The following C5orf47 variants were observed in gnomAD, a reference collection of about 807,000 sequenced individuals.
C5orf47 encodes the protein chromosome 5 open reading frame 47.
Under a neutral mutation model 20.6 loss-of-function variants are expected in C5orf47, and 20 were observed. The observed-to-expected ratio is 0.97, with a 90% CI of 0.68 to 1.41. The LOEUF (loss-of-function observed/expected upper bound fraction) is 1.41, where lower values mean the gene tolerates loss of function less well. C5orf47 is among the 40% of genes most tolerant of loss of function. C5orf47 has a pLI of 0.00. For synonymous variants in C5orf47, 106 were observed against 97.3 expected, an observed-to-expected ratio of 1.09 and a Z score of -0.53; for missense variants, 262 against 238.4, an observed-to-expected ratio of 1.10 and a Z score of -0.65.
At chr5:173,997,315 A>G (rs1759115862) in intron 1 of C5orf47, among the ~76,000 whole-genome samples, 1 of 152,208 alleles carries the variant, frequency 6.6e-6, no homozygotes. Context: ...ATGAGAGCCA[A>G]TATAAAGGCT....
At position 174,004,801 on chromosome 5, in the gene C5orf47, A is replaced by T. The variant is rs1374190110; in HGVS notation, c.*547A>T. The T allele has an allele frequency of 4.6e-5, 7 of 152,236 alleles. No homozygotes were observed. Among genetic ancestry groups the T allele is most frequent in the African/African-American group, 1.7e-4 (7 of 41,436 alleles). The allele number at this position is 152,236 out of a possible 1,614,324, so 9.4% of individuals were successfully genotyped here. The stretch of plus-strand genomic sequence containing the variant: ...TAATGATTATTTAAGCCATCTTTTC[A>T]TCCTAAGGAAAATTAGTAAATGTAT... On this transcript the variant is annotated 3_prime_UTR_variant, in exon 5 of 5. Coordinates refer to ENST00000340147, the MANE Select transcript of C5orf47 (RefSeq NM_001144954.2).
chr5:173,994,249 G>A (rs1759050156), intron 1 of C5orf47, among the ~76,000 whole-genome samples: 2 of 152,190 alleles, frequency 1.3e-5, no homozygotes, highest in South Asian at 4.1e-4. Context: ...GCATCTCATC[G>A]ATTTGCAGAG....
downstream of C5orf47, among the ~76,000 whole-genome samples, chr5:174,008,475 C>A (rs567208221): frequency 6.6e-6 from 1 of 152,232 alleles, no homozygotes; most frequent in East Asian, 1.9e-4. Context: ...CTAACACGGG[C>A]CCTGTAATGG....
chr5:173,999,860 C>A, intron 3 of C5orf47, 61 bp downstream of exon 3: 1 of 842,322 alleles, frequency 1.2e-6, no homozygotes, highest in South Asian at 1.8e-5. Context: ...TTTAGTTATC[C>A]TGGGATTGCA....
chr5:174,001,538 T>G (rs1759197021), intron 4 of C5orf47, among the ~76,000 whole-genome samples: 1 of 152,080 alleles, frequency 6.6e-6, no homozygotes, highest in Non-Finnish European at 1.5e-5. Context: ...TGGTACATTA[T>G]TCTGAGGGCA....
intron 1 of C5orf47, among the ~76,000 whole-genome samples, chr5:173,995,817 T>C (rs924355403): frequency 3.3e-5 from 5 of 152,240 alleles, no homozygotes; most frequent in African/African-American, 1.2e-4. Flanking sequence ...TCACTGAAGA[T>C]TTTTGAATGG....
In C5orf47 at chr5:173,999,767, A is replaced by T. The variant is rs1474920829; in HGVS notation, c.479A>T (p.His160Leu). 1.3e-6 allele frequency: 2 copies of T among 1,536,734 alleles called. No homozygotes were observed. The highest frequency in any genetic ancestry group is 1.8e-6 in the Non-Finnish European group (2 of 1,136,428). Reference protein sequence around the residue: ...RMLEENEKYRHRLKCQRLSSE... With the variant: ...RMLEENEKYRLRLKCQRLSSE... ...CTTGAAGAAAATGAAAAATATAGAC[A>T]CAGGCTGAAATGCCAAAGGTTATCT... The change falls in exon 3 of 5, where the codon CAC becomes CTC. Residue 160 changes from histidine (H) to leucine (L), a missense_variant. Coordinates refer to ENST00000340147, the MANE Select transcript of C5orf47 (RefSeq NM_001144954.2).
chr5:173,990,354 C>T (rs1027644083), intron 1 of C5orf47, among the ~76,000 whole-genome samples: 12 of 152,186 alleles, frequency 7.9e-5, no homozygotes, highest in Admixed American at 6.5e-4. Context: ...AACTCCTGGG[C>T]CCAACTGATC....
intron 1 of C5orf47, among the ~76,000 whole-genome samples, chr5:173,992,281 C>T (rs1759012755): frequency 6.7e-6 from 1 of 149,748 alleles, no homozygotes; most frequent in African/African-American, 2.5e-5. Context: ...GATACAGTGC[C>T]TCACACCTCT....
intron 4 of C5orf47, among the ~76,000 whole-genome samples, chr5:174,002,960 A>G (rs1759225590): frequency 1.3e-5 from 2 of 152,048 alleles, no homozygotes; most frequent in African/African-American, 2.4e-5. Flanking sequence ...CCTACTTATG[A>G]TTTGATTCAT....
chr5:173,995,969 A>G (rs192957891), intron 1 of C5orf47, among the ~76,000 whole-genome samples: 23 of 152,358 alleles, frequency 1.5e-4, no homozygotes, highest in African/African-American at 5.5e-4. Flanking sequence ...CTAATAAATC[A>G]GGCCAGTTCC....
chr5:173,995,093 G>A (rs1025932561), intron 1 of C5orf47, among the ~76,000 whole-genome samples: 16 of 152,118 alleles, frequency 1.1e-4, no homozygotes, highest in Admixed American at 3.3e-4. Context: ...GATTACAGGC[G>A]TGAACCACCA....
At chr5:174,009,440 CTT>C (rs1484335750), downstream of C5orf47, among the ~76,000 whole-genome samples, 13 of 145,974 alleles carry the variant, frequency 8.9e-5, no homozygotes, top group African/African-American at 2.7e-4. Flanking sequence ...ATTATTGAGA[CTT>C]TTCATCTTTT....
Position 173,998,209 on chromosome 5 carries a change from G to A in C5orf47, c.382G>A (p.Ala128Thr). ...TGATTTTCCCATACCATTGAATGAAGCTTCCAAAATAATGAAGAAAAAGAA... is the reference window on the plus strand; with the variant it reads ...TGATTTTCCCATACCATTGAATGAAACTTCCAAAATAATGAAGAAAAAGAA... ...KYDFPIPLNEASKIMKKKKKV... is the reference protein window; with the variant it reads ...KYDFPIPLNETSKIMKKKKKV... The change falls in exon 2 of 5, where the codon GCT (alanine) becomes ACT (threonine). Residue 128 changes from alanine (A) to threonine (T), a missense_variant. Physicochemically the swap from Ala to Thr is moderately conservative, Grantham distance 58. Coordinates refer to ENST00000340147, the MANE Select transcript of C5orf47 (RefSeq NM_001144954.2). The A allele has an allele frequency of 6.5e-7, 1 of 1,540,748 alleles. No individual in the cohort carries two copies. The highest frequency in any genetic ancestry group is 8.8e-7 in the Non-Finnish European group (1 of 1,141,060).
rs1019633757 is a variant in C5orf47, at chr5:174,005,574, C to G, written c.*1320C>G. On this transcript the variant is annotated 3_prime_UTR_variant, in exon 5 of 5. Transcript: ENST00000340147. The stretch of plus-strand genomic sequence containing the variant: ...TTTCCCTGCATTGAGGGTCACACAA[C>G]TTCTTTATATTATGCTGGGTAAATT... The G allele has an allele frequency of 1.3e-5, 2 of 152,282 alleles. No homozygotes were observed. Among genetic ancestry groups the G allele is most frequent in the African/African-American group, 4.8e-5 (2 of 41,428 alleles). The allele number at this position is 152,282 out of a possible 1,614,324, so 9.4% of individuals were successfully genotyped here.
chr5:174,003,372 G>C (rs774281159), intron 4 of C5orf47, among the ~76,000 whole-genome samples: 5 of 152,164 alleles, frequency 3.3e-5, no homozygotes, highest in Non-Finnish European at 7.3e-5. Flanking sequence ...GCAGAGAGGA[G>C]ATAGATGATC....
intron 1 of C5orf47, among the ~76,000 whole-genome samples, chr5:173,997,221 G>A (rs1759114377): frequency 6.6e-6 from 1 of 152,136 alleles, no homozygotes; most frequent in Non-Finnish European, 1.5e-5. Flanking sequence ...AGTATTGAAA[G>A]AGTAGAAGAA....
intron 2 of C5orf47, 92 bp downstream of exon 2, chr5:173,998,330 T>C (rs561767322): frequency 4.7e-6 from 3 of 644,286 alleles, no homozygotes; most frequent in Middle Eastern, 4.3e-4. Flanking sequence ...ACAGTGAAAA[T>C]AGTACCATCT....
rs1758936757 is a variant in C5orf47, at chr5:173,989,423, C to CCGAG, written c.161_164dup (p.Arg55SerfsTer64). ...TGGGGCAGGCTGTCGCCAGGAGAAG[C>CCGAG]CGAGGGAAGCAATGGCGGTGGCGGG... On this transcript the variant is annotated frameshift_variant, in exon 1 of 5. Coordinates refer to ENST00000340147, the MANE Select transcript of C5orf47 (RefSeq NM_001144954.2). LOFTEE classifies it high-confidence loss of function. The CCGAG allele has an allele frequency of 6.5e-7, 1 of 1,548,748 alleles. No homozygotes were observed. The highest frequency in any genetic ancestry group is 2.0e-5 in the Admixed American group (1 of 50,692).
Sources: gnomAD v4.1 joint callset for allele counts (sites outside exome capture counted in the v4.1 genomes callset) on GRCh38, gnomAD v4.1.1 for gene constraint, MANE v1.5 for transcripts, NCBI Gene and HGNC (gene_info 2026-07-23, HGNC 2026-07-21) for gene names.